The following WIPF1 variants were observed in gnomAD, a reference collection of about 807,000 sequenced individuals.
The protein encoded by WIPF1 is WAS/WASL-interacting protein family member 1.
Under a neutral mutation model 35.4 loss-of-function variants are expected in WIPF1, and 13 were observed. The ratio of observed to expected loss-of-function variants is 0.37; its 90% CI spans 0.24 to 0.58. WIPF1 has a LOEUF of 0.58. Ranked by LOEUF, WIPF1 falls within the 20% of genes least tolerant of loss-of-function variation. WIPF1 has a pLI of 0.74. For synonymous variants in WIPF1, 267 were observed against 266.3 expected, an observed-to-expected ratio of 1.00 and a Z score of -0.02; for missense variants, 591 against 667.0, an observed-to-expected ratio of 0.89 and a Z score of 1.25.
intron 1 of WIPF1, among the ~76,000 whole-genome samples, chr2:174,661,664 T>C (rs1445315845): frequency 6.6e-6 from 1 of 152,192 alleles, no homozygotes; most frequent in Non-Finnish European, 1.5e-5. Flanking sequence ...ATCTGTTTGT[T>C]TCCTGTGTGT....
At chr2:174,595,139 T>TATATATATATATATATATAA (rs1332566404) in intron 1 of WIPF1, among the ~76,000 whole-genome samples, 1 of 101,852 alleles carries the variant, frequency 9.8e-6, no homozygotes. Flanking sequence ...TATATATATA[T>TATATATATATATATATATAA]AATTAACTGG....
chr2:174,591,673 T>TACACACAC (rs71407131), intron 1 of WIPF1, among the ~76,000 whole-genome samples: 11,430 of 146,686 alleles, frequency 0.078, 548 homozygotes, highest in African/African-American at 0.15. Flanking sequence ...CTTTGTTGCT[T>TACACACAC]ACACACACAC....
chr2:174,644,574 T>G (rs1693405991), intron 1 of WIPF1, among the ~76,000 whole-genome samples: 1 of 152,042 alleles, frequency 6.6e-6, no homozygotes, highest in Non-Finnish European at 1.5e-5. Flanking sequence ...TTTGGACTCT[T>G]GAGACATGCA....
At chr2:174,658,862 G>T in intron 1 of WIPF1, among the ~76,000 whole-genome samples, 1 of 151,814 alleles carries the variant, frequency 6.6e-6, no homozygotes, top group Middle Eastern at 3.2e-3. Context: ...AAAACTATGG[G>T]AATAGTAGAA....
chr2:174,616,932 A>G (rs892411881), intron 1 of WIPF1, among the ~76,000 whole-genome samples: 2 of 152,142 alleles, frequency 1.3e-5, no homozygotes, highest in Non-Finnish European at 2.9e-5. Context: ...GGTTTTGGTC[A>G]TCAAGGAAAT....
At chr2:174,681,900 C>A (rs963863077) in intron 1 of WIPF1, among the ~76,000 whole-genome samples, 1 of 152,200 alleles carries the variant, frequency 6.6e-6, no homozygotes, top group Non-Finnish European at 1.5e-5. Context: ...CACAGCCACA[C>A]CCTTTGTTAA....
chr2:174,671,478 A>G (rs1468710086), intron 1 of WIPF1, among the ~76,000 whole-genome samples: 2 of 152,222 alleles, frequency 1.3e-5, no homozygotes, highest in East Asian at 1.9e-4. Flanking sequence ...AAAGAACACG[A>G]TAACAGCAAT....
intron 4 of WIPF1, chr2:174,574,794 C>T (rs1052345258): frequency 7.2e-6 from 5 of 690,080 alleles, no homozygotes; most frequent in Admixed American, 4.7e-5. Flanking sequence ...TGTGCTCCAT[C>T]GTGTTTGAAA....
chr2:174,563,499 T>A lies in WIPF1; in HGVS notation c.1457-897A>T, dbSNP rs945439759. On this transcript the variant is annotated intron_variant, in intron 7 of 7. Coordinates refer to ENST00000679041, the MANE Select transcript of WIPF1 (RefSeq NM_001375834.1). ...GGGAGGATCACCTGAACCTGAGAGG[T>A]CGAGGCTGCAATGAGCCAAGATTGC... 4.6e-5 allele frequency among the ~76,000 whole-genome samples: 7 copies of A among 152,094 alleles called. No individual in the cohort carries two copies. In the East Asian group the frequency reaches 1.4e-3, roughly 29 times the overall value.
chr2:174,639,219 T>A (rs1188449150), intron 1 of WIPF1, among the ~76,000 whole-genome samples: 1 of 152,230 alleles, frequency 6.6e-6, no homozygotes, highest in Non-Finnish European at 1.5e-5. Flanking sequence ...GCTGGACATT[T>A]GTATGTCTTC....
In WIPF1 at chr2:174,633,879, A is replaced by G. The variant is rs148293840; in HGVS notation, c.-38-48268T>C. Among the ~76,000 whole-genome samples the G allele has an allele frequency of 2.8e-3, 433 of 152,284 alleles. 2 individuals are homozygous for G. The highest frequency in any genetic ancestry group is 9.8e-3 in the African/African-American group (409 of 41,550). On this transcript the variant is annotated intron_variant, in intron 1 of 8. Coordinates refer to the WIPF1 transcript ENST00000272746. ...GCCGGGAAAAGGATTTCCTCGTCTC[A>G]TATTCAAGCTGTCCCTACTGCTGCT...
In WIPF1 at chr2:174,633,341, C is replaced by T. The variant is rs185909212; in HGVS notation, c.-38-47730G>A. 3.9e-4 allele frequency among the ~76,000 whole-genome samples: 59 copies of T among 152,084 alleles called. 1 individual carries two copies. Among genetic ancestry groups the T allele is most frequent in the African/African-American group, 1.4e-3 (59 of 41,358 alleles). On this transcript the variant is annotated intron_variant, in intron 1 of 8. Transcript: ENST00000272746. ...ACCCCTTCGTTGTTTATCATACAGA[C>T]ACATTTTACAACACTTTGGGCTAGA...
chr2:174,628,881 A>T (rs1268005120), intron 1 of WIPF1, among the ~76,000 whole-genome samples: 1 of 152,262 alleles, frequency 6.6e-6, no homozygotes, highest in African/African-American at 2.4e-5. Context: ...AAAAAATCCA[A>T]GATTATTTTT....
rs193117173 is a variant in WIPF1, at chr2:174,559,655, T to C, written c.*2892A>G. 5 of 152,318 alleles carry C rather than the reference T, an allele frequency of 3.3e-5. No individual in the cohort carries two copies. In the East Asian group the frequency reaches 9.7e-4, roughly 29 times the overall value. The allele number at this position is 152,318 out of a possible 1,614,324, so 9.4% of individuals were successfully genotyped here. On this transcript the variant is annotated 3_prime_UTR_variant, in exon 8 of 8. Coordinates refer to ENST00000679041, the MANE Select transcript of WIPF1 (RefSeq NM_001375834.1). ...AGTCTCTACCCTACCACTTACACTA[T>C]CCTGATGACACAGATAGCAAAATGT...
chr2:174,653,792 T>G (rs940965219), intron 1 of WIPF1, among the ~76,000 whole-genome samples: 1 of 150,140 alleles, frequency 6.7e-6, no homozygotes, highest in Non-Finnish European at 1.5e-5. Flanking sequence ...TTCTGACCCC[T>G]GACAAAGTTT....
chr2:174,638,098 C>T (rs1687223725), intron 1 of WIPF1, among the ~76,000 whole-genome samples: 1 of 151,824 alleles, frequency 6.6e-6, no homozygotes, highest in African/African-American at 2.4e-5. Flanking sequence ...AATATTTTGA[C>T]TAAAGTGGTT....
At chr2:174,574,189 G>C (rs1169479978) in intron 4 of WIPF1, among the ~76,000 whole-genome samples, 3 of 152,056 alleles carry the variant, frequency 2.0e-5, no homozygotes, top group Non-Finnish European at 4.4e-5. Context: ...ACCATGCCTG[G>C]CCCATTTTAT....
chr2:174,591,535 G>A (rs2105856875), intron 1 of WIPF1, among the ~76,000 whole-genome samples: 1 of 152,280 alleles, frequency 6.6e-6, no homozygotes, highest in African/African-American at 2.4e-5. Context: ...GAAATTTTAG[G>A]TGAAAATAGC....
intron 1 of WIPF1, 128 bp downstream of exon 1, chr2:174,597,473 C>CTCA (rs1685856508): frequency 6.6e-6 from 1 of 152,224 alleles, no homozygotes; most frequent in South Asian, 2.1e-4. Flanking sequence ...ACAGGAATAG[C>CTCA]TCACATGGTG....
Sources: allele counts gnomAD v4.1 joint callset (sites outside exome capture counted in the v4.1 genomes callset), GRCh38; gene constraint gnomAD v4.1.1; transcripts MANE v1.5; gene names NCBI Gene and HGNC (gene_info 2026-07-23, HGNC 2026-07-21).